The following PTPRD variants were observed in gnomAD, a reference collection of about 807,000 sequenced individuals.
The protein encoded by PTPRD is protein tyrosine phosphatase receptor type D.
Under a neutral mutation model 214.5 loss-of-function variants are expected in PTPRD, and 34 were observed. The ratio of observed to expected loss-of-function variants is 0.16; its 90% confidence interval spans 0.12 to 0.21. PTPRD has a LOEUF of 0.21. Among genes scored for constraint, PTPRD ranks in the 10% least tolerant of loss-of-function variants. PTPRD has a pLI of 1.00. For synonymous variants in PTPRD, 1,128 were observed against 845.7 expected (o/e 1.33, Z -5.79); for missense variants, 2,545 against 2,398.7 (o/e 1.06, Z -1.27).
chr9:9,478,073 T>C (rs919104496), intron 8 of PTPRD, among the ~76,000 whole-genome samples: 1 of 152,224 alleles, frequency 6.6e-6, no homozygotes, highest in Non-Finnish European at 1.5e-5. Flanking sequence ...TATGAGGTTA[T>C]TTGTTTTGAT....
chr9:9,045,273 G>T (rs1210508966), intron 10 of PTPRD, among the ~76,000 whole-genome samples: 1 of 152,162 alleles, frequency 6.6e-6, no homozygotes, highest in African/African-American at 2.4e-5. Context: ...GGCTTCAAGG[G>T]TCAGTCATGT....
chr9:9,651,884 G>A (rs1188334067), intron 7 of PTPRD, among the ~76,000 whole-genome samples: 4 of 143,540 alleles, frequency 2.8e-5, no homozygotes, highest in Admixed American at 7.1e-5. Flanking sequence ...ACCCAGGCTG[G>A]AGTGCAGTGG....
chr9:10,402,609 C>G (rs2098288052), intron 2 of PTPRD, among the ~76,000 whole-genome samples: 1 of 151,632 alleles, frequency 6.6e-6, no homozygotes, highest in Non-Finnish European at 1.5e-5. Context: ...TTATCCCTGA[C>G]AAGAATATCA....
chr9:8,934,467 A>G (rs1170407584), intron 11 of PTPRD, among the ~76,000 whole-genome samples: 8 of 6,142 alleles, frequency 1.3e-3, no homozygotes, highest in Non-Finnish European at 2.5e-3. Flanking sequence ...ATATATAAAT[A>G]TATATATATA....
chr9:10,284,785 AGAG>A (rs2095285970), intron 3 of PTPRD, among the ~76,000 whole-genome samples: 1 of 152,022 alleles, frequency 6.6e-6, no homozygotes, highest in African/African-American at 2.4e-5. Flanking sequence ...AGGAGGAGAG[AGAG>A]AGAGAGAGCA....
chr9:8,932,003 G>A (rs902578667), intron 11 of PTPRD, among the ~76,000 whole-genome samples: 3 of 152,138 alleles, frequency 2.0e-5, no homozygotes, highest in Non-Finnish European at 2.9e-5. Context: ...GGGATCAGTG[G>A]TGATATCTCC....
chr9:10,122,929 C>T (rs571793939), intron 3 of PTPRD, among the ~76,000 whole-genome samples: 58 of 152,292 alleles, frequency 3.8e-4, no homozygotes, highest in Non-Finnish European at 7.6e-4. Context: ...AAAAAGATTG[C>T]GGCAGATATA....
At chr9:8,509,900 T>G (rs1033122675) in intron 21 of PTPRD, among the ~76,000 whole-genome samples, 3 of 152,172 alleles carry the variant, frequency 2.0e-5, no homozygotes, top group African/African-American at 7.2e-5. Context: ...CAAAGTGTCT[T>G]CATCTAATGT....
intron 3 of PTPRD, among the ~76,000 whole-genome samples, chr9:10,147,190 C>T (rs2099029155): frequency 6.6e-6 from 1 of 152,092 alleles, no homozygotes; most frequent in African/African-American, 2.4e-5. Flanking sequence ...GCAAAGTGGA[C>T]TGCCTATATA....
chr9:9,871,569 G>A (rs972714103), intron 5 of PTPRD, among the ~76,000 whole-genome samples: 1 of 151,812 alleles, frequency 6.6e-6, no homozygotes, highest in African/African-American at 2.4e-5. Flanking sequence ...ACCTCCTTGG[G>A]CCCTAAGATT....
chr9:10,114,681 TATAG>T (rs1330570132), intron 3 of PTPRD, among the ~76,000 whole-genome samples: 5 of 152,094 alleles, frequency 3.3e-5, no homozygotes, highest in East Asian at 1.9e-4. Flanking sequence ...CACATGCATA[TATAG>T]ATAAATTGTA....
At chr9:9,478,661 C>G (rs1270519324) in intron 8 of PTPRD, among the ~76,000 whole-genome samples, 1 of 152,020 alleles carries the variant, frequency 6.6e-6, no homozygotes, top group Admixed American at 6.6e-5. Context: ...GTGTTAATGC[C>G]AACAAAGGTT....
chr9:8,877,473 A>C (rs554344868), intron 11 of PTPRD, among the ~76,000 whole-genome samples: 1 of 152,216 alleles, frequency 6.6e-6, no homozygotes, highest in African/African-American at 2.4e-5. Flanking sequence ...GAAGGAATTC[A>C]GAGCAATAAT....
At chr9:10,072,926 C>T (rs1354173888) in intron 3 of PTPRD, among the ~76,000 whole-genome samples, 1 of 152,042 alleles carries the variant, frequency 6.6e-6, no homozygotes, top group Non-Finnish European at 1.5e-5. Flanking sequence ...TGGAAGCAAC[C>T]AAGATGTCCT....
At chr9:10,448,329 G>A (rs541858680) in intron 2 of PTPRD, among the ~76,000 whole-genome samples, 3 of 152,004 alleles carry the variant, frequency 2.0e-5, no homozygotes, top group Non-Finnish European at 4.4e-5. Flanking sequence ...GTCTACTTCT[G>A]TATATATAGA....
intron 11 of PTPRD, among the ~76,000 whole-genome samples, chr9:8,900,684 T>C (rs2154251125): frequency 6.6e-6 from 1 of 152,280 alleles, no homozygotes; most frequent in South Asian, 2.1e-4. Context: ...CATAAGGTCT[T>C]TCTGTAGAAT....
chr9:8,944,818 GA>G (rs141274490), intron 11 of PTPRD, among the ~76,000 whole-genome samples: 21,541 of 151,936 alleles, frequency 0.14, 1,896 homozygotes, highest in Non-Finnish European at 0.2. Context: ...GAATTAATAA[GA>G]TCTAGTATTT....
intron 9 of PTPRD, among the ~76,000 whole-genome samples, chr9:9,282,217 G>C (rs1947960410): frequency 6.6e-6 from 1 of 151,236 alleles, no homozygotes; most frequent in Admixed American, 6.6e-5. Flanking sequence ...ATAGAATGCA[G>C]ACATCCAAAG....
intron 11 of PTPRD, among the ~76,000 whole-genome samples, chr9:8,907,030 A>G (rs1292212703): frequency 6.6e-6 from 1 of 152,142 alleles, no homozygotes; most frequent in East Asian, 1.9e-4. Context: ...GAAATTTTGC[A>G]TATGTTTCTC....
Sources: gnomAD v4.1 joint callset for allele counts (sites outside exome capture counted in the v4.1 genomes callset) on GRCh38, gnomAD v4.1.1 for gene constraint, MANE v1.5 for transcripts, NCBI Gene and HGNC (gene_info 2026-07-23, HGNC 2026-07-21) for gene names.